MTUS2: variants seen among roughly 807,000 people sequenced by gnomAD.
MTUS2 encodes the protein microtubule-associated tumor suppressor candidate 2.
Under a neutral mutation model 114.1 loss-of-function variants are expected in MTUS2, and 40 were observed. That is an observed-to-expected ratio of 0.35 (90% confidence interval 0.27 to 0.46). The LOEUF (loss-of-function observed/expected upper bound fraction) is 0.46. MTUS2 is among the 20% of genes least tolerant of loss of function. The pLI, the probability that MTUS2 is intolerant of heterozygous loss-of-function variation, is 1.00. For missense variants in MTUS2, 1,679 were observed against 1,705.4 expected, an observed-to-expected ratio of 0.98 and a Z score of 0.27; for synonymous variants, 688 against 672.0, an observed-to-expected ratio of 1.02 and a Z score of -0.37.
At chr13:28,962,481 G>C (rs1465308085) in intron 2 of MTUS2, among the ~76,000 whole-genome samples, 1 of 151,972 alleles carries the variant, frequency 6.6e-6, no homozygotes, top group African/African-American at 2.4e-5. Flanking sequence ...AAGGTTTTTT[G>C]TTTTATATAT....
At chr13:29,062,601 CA>C (rs1888473459) in intron 4 of MTUS2, among the ~76,000 whole-genome samples, 1 of 151,794 alleles carries the variant, frequency 6.6e-6, no homozygotes, top group Admixed American at 6.6e-5. Flanking sequence ...AATTACACTC[CA>C]TTTTTTTTTC....
chr13:29,312,435 A>G (rs1487444970), intron 6 of MTUS2, among the ~76,000 whole-genome samples: 1 of 152,230 alleles, frequency 6.6e-6, no homozygotes, highest in Non-Finnish European at 1.5e-5. Context: ...CAGGCTTTCA[A>G]GTAAAACTAC....
rs148240499 is a variant in MTUS2, at chr13:28,873,715, A to G, written c.-243+33865A>G. 3.4e-3 allele frequency among the ~76,000 whole-genome samples: 517 copies of G among 152,356 alleles called. 3 individuals are homozygous for G. Among genetic ancestry groups the G allele is most frequent in the African/African-American group, 0.012 (484 of 41,586 alleles). On this transcript the variant is annotated intron_variant, in intron 2 of 15. Transcript: ENST00000612955. ...GGTGACAGTGATGTTGAACTCCTAGAATCACATGCATTGGTAATGACTGGT... is the reference window on the plus strand; with the variant it reads ...GGTGACAGTGATGTTGAACTCCTAGGATCACATGCATTGGTAATGACTGGT...
chr13:28,837,580 C>T (rs1041178192), intron 1 of MTUS2, among the ~76,000 whole-genome samples: 3 of 152,170 alleles, frequency 2.0e-5, no homozygotes, highest in Non-Finnish European at 2.9e-5. Flanking sequence ...ACTTCACAGA[C>T]TTTAGCCAGT....
intron 5 of MTUS2, among the ~76,000 whole-genome samples, chr13:29,119,229 A>C (rs1325029575): frequency 6.6e-6 from 1 of 152,224 alleles, no homozygotes; most frequent in Admixed American, 6.5e-5. Flanking sequence ...ACATAGATAC[A>C]CATTGGACCT....
At chr13:28,822,605 C>T (rs537913276) in intron 1 of MTUS2, among the ~76,000 whole-genome samples, 14 of 152,242 alleles carry the variant, frequency 9.2e-5, no homozygotes, top group East Asian at 7.7e-4. Flanking sequence ...CAGGTCCCTC[C>T]GTCACAGAGG....
intron 5 of MTUS2, among the ~76,000 whole-genome samples, chr13:29,186,770 CTT>C (rs1458481177): frequency 2.0e-5 from 3 of 152,118 alleles, no homozygotes; most frequent in African/African-American, 7.2e-5. Context: ...ATCAACTAGA[CTT>C]AATAGACATA....
At chr13:29,470,560 C>T (rs997556391) in intron 9 of MTUS2, among the ~76,000 whole-genome samples, 3 of 152,204 alleles carry the variant, frequency 2.0e-5, no homozygotes, top group African/African-American at 7.2e-5. Flanking sequence ...CTGATTGCCT[C>T]GCTTCCATCC....
chr13:29,334,624 G>T (rs1381335267), intron 7 of MTUS2, among the ~76,000 whole-genome samples: 1 of 152,148 alleles, frequency 6.6e-6, no homozygotes, highest in Non-Finnish European at 1.5e-5. Flanking sequence ...GTCTGTGGCT[G>T]CTACTAACAT....
chr13:29,399,015 T>G (rs932430400), intron 8 of MTUS2, among the ~76,000 whole-genome samples: 5 of 152,136 alleles, frequency 3.3e-5, no homozygotes, highest in Non-Finnish European at 7.3e-5. Flanking sequence ...AAAGCAAGTT[T>G]ATTAATAAAG....
At chr13:29,245,503 C>T (rs1896887618) in intron 5 of MTUS2, among the ~76,000 whole-genome samples, 1 of 152,114 alleles carries the variant, frequency 6.6e-6, no homozygotes, top group Non-Finnish European at 1.5e-5. Flanking sequence ...GACCTTCAGC[C>T]TGAGAGCTGG....
intron 5 of MTUS2, among the ~76,000 whole-genome samples, chr13:29,268,971 A>G (rs1429453099): frequency 6.6e-6 from 1 of 152,028 alleles, no homozygotes; most frequent in African/African-American, 2.4e-5. Context: ...GCTCCAAGCA[A>G]TCCTCCTGCC....
intron 5 of MTUS2, among the ~76,000 whole-genome samples, chr13:29,245,694 A>T (rs1439483468): frequency 8.0e-5 from 10 of 125,564 alleles, no homozygotes; most frequent in African/African-American, 1.2e-4. Context: ...ATCTATTTTA[A>T]TTTTTTTTTT....
At chr13:28,945,580 C>G (rs181374598) in intron 2 of MTUS2, among the ~76,000 whole-genome samples, 1 of 152,052 alleles carries the variant, frequency 6.6e-6, no homozygotes, top group African/African-American at 2.4e-5. Flanking sequence ...TGATTAGTGA[C>G]GTCCAACATT....
At chr13:29,131,181 G>C (rs1891747242) in intron 5 of MTUS2, among the ~76,000 whole-genome samples, 1 of 152,178 alleles carries the variant, frequency 6.6e-6, no homozygotes, top group South Asian at 2.1e-4. Context: ...ATGTTTTAAA[G>C]TCCTCTTACC....
rs567784642 is a variant in MTUS2 at position 28,983,696 on chromosome 13, C to T, written c.-242-40761C>T. Reference sequence around the variant, plus strand: ...GTTAGAAATGCAGATTCTTGGGTCCCACCCCAGGCCCTTGGAACCAGAAAC... The same window carrying T: ...GTTAGAAATGCAGATTCTTGGGTCCTACCCCAGGCCCTTGGAACCAGAAAC... On this transcript the variant is annotated intron_variant, in intron 2 of 15. Transcript: ENST00000612955. Among the ~76,000 whole-genome samples, 142 of 152,332 alleles carry T rather than the reference C, an allele frequency of 9.3e-4. 1 individual carries two copies. Among genetic ancestry groups the T allele is most frequent in the Non-Finnish European group, 7.5e-4 (51 of 68,034 alleles).
rs774295228 is a variant in MTUS2, at chr13:29,084,781, AC to A, written c.2447-15982del. On this transcript the variant is annotated intron_variant, in intron 4 of 15. Transcript: ENST00000612955. ...TTGAACTCCTGACCTCAGGTGATCC[AC>A]CCCCCCCCCTCACCGTTGGCCTTCC... Among the ~76,000 whole-genome samples the A allele has an allele frequency of 1.4e-4, 13 of 92,156 alleles. 1 individual carries two copies. Among genetic ancestry groups the A allele is most frequent in the African/African-American group, 5.3e-4 (12 of 22,652 alleles). 60.5% of individuals were successfully genotyped at this position (92,156 alleles called of 152,430 possible). A position where few individuals can be genotyped will look rare whatever the true frequency, so the allele number is the denominator to read the frequency against.
At chr13:29,034,826 C>G (rs925932239) in intron 4 of MTUS2, among the ~76,000 whole-genome samples, 4 of 152,204 alleles carry the variant, frequency 2.6e-5, no homozygotes, top group African/African-American at 9.7e-5. Context: ...CACCAAGCTA[C>G]CATTGCTGTC....
intron 8 of MTUS2, among the ~76,000 whole-genome samples, chr13:29,404,167 C>A (rs139704770): frequency 3.1e-4 from 35 of 112,954 alleles, no homozygotes; most frequent in African/African-American, 1.1e-3. Flanking sequence ...TGGTAAAACT[C>A]CATCTCTACA....
Sources: gnomAD v4.1 joint callset for allele counts (sites outside exome capture counted in the v4.1 genomes callset) on GRCh38, gnomAD v4.1.1 for gene constraint, MANE v1.5 for transcripts, NCBI Gene and HGNC (gene_info 2026-07-23, HGNC 2026-07-21) for gene names.